Variants in LDLRAD4 observed in about 807,000 individuals in gnomAD.
LDLRAD4 encodes low density lipoprotein receptor class A domain containing 4, also known as low-density lipoprotein receptor class A domain-containing protein 4.
LDLRAD4 carries 5 observed loss-of-function variants against 17.0 expected under a neutral mutation model. That is an observed-to-expected ratio of 0.29 (90% CI 0.15 to 0.62). LDLRAD4 has a LOEUF of 0.62. LDLRAD4 is among the 20% of genes least tolerant of loss of function. The pLI, the probability that LDLRAD4 is intolerant of heterozygous loss-of-function variation, is 0.84. For synonymous variants in LDLRAD4, 168 were observed against 171.8 expected, an observed-to-expected ratio of 0.98 and a Z score of 0.17; for missense variants, 340 against 424.7, an observed-to-expected ratio of 0.80 and a Z score of 1.75.
intron 1 of LDLRAD4, chr18:13,382,468 C>T (rs2085442421): frequency 6.6e-6 from 1 of 152,118 alleles, no homozygotes; most frequent in Non-Finnish European, 1.5e-5. Flanking sequence ...GGGTGTTTTT[C>T]CATTTGACGT....
intron 1 of LDLRAD4, among the ~76,000 whole-genome samples, chr18:13,376,580 G>C (rs147364124): frequency 3.3e-5 from 5 of 152,282 alleles, no homozygotes; most frequent in East Asian, 3.9e-4. Context: ...CTGCGGGTGA[G>C]GGCACAGCTC....
intron 3 of LDLRAD4, chr18:13,462,110 G>A (rs1393521613): frequency 1.3e-5 from 2 of 152,234 alleles, no homozygotes; most frequent in African/African-American, 4.8e-5. Context: ...GCTTCATTCT[G>A]TGAAAGCAGT....
chr18:13,349,324 C>T (rs2082903240), intron 1 of LDLRAD4, among the ~76,000 whole-genome samples: 1 of 152,192 alleles, frequency 6.6e-6, no homozygotes, highest in Non-Finnish European at 1.5e-5. Flanking sequence ...TAGATTATGT[C>T]TTTGTATATT....
At chr18:13,388,767 C>A (rs1030813409) in intron 2 of LDLRAD4, among the ~76,000 whole-genome samples, 1 of 152,218 alleles carries the variant, frequency 6.6e-6, no homozygotes, top group Non-Finnish European at 1.5e-5. Flanking sequence ...GATGGAGCGC[C>A]GCTGTGGTGC....
rs150506069 is a variant in LDLRAD4 at position 13,382,300 on chromosome 18, T to C, written c.-382-5041T>C. On this transcript the variant is annotated intron_variant, in intron 1 of 5. Transcript: ENST00000359446. ...TTTTACAGTGTCTTTTAATGAAAGA[T>C]ATAATACGGACACAGTTCAGTTTGT... is the stretch of plus-strand genomic sequence containing the variant. Among the ~76,000 whole-genome samples the C allele has an allele frequency of 4.7e-3, 720 of 152,314 alleles. 9 individuals are homozygous for C. The highest frequency in any genetic ancestry group is 0.017 in the African/African-American group (690 of 41,544).
chr18:13,480,959 T>C (rs1249139376), intron 3 of LDLRAD4, among the ~76,000 whole-genome samples: 5 of 152,116 alleles, frequency 3.3e-5, no homozygotes, highest in African/African-American at 1.2e-4. Context: ...ACATATAACA[T>C]TGACCTAAGC....
rs1037505453 is a variant in LDLRAD4 at position 13,367,685 on chromosome 18, G to C, written c.-382-19656G>C. ...GGAGTGTGCCGAGAGGGGACAGCCG[G>C]GCACGGGGGCACACGTTGTCAAGGG... On this transcript the variant is annotated intron_variant, in intron 1 of 5. Transcript: ENST00000359446. This position sits in a 1 kb window ranked among gnomAD's most constrained non-coding sequence, Gnocchi z 4.1. Among the ~76,000 whole-genome samples, 1 of 151,908 alleles carries C rather than the reference G, an allele frequency of 6.6e-6. No individual in the cohort carries two copies. The highest frequency in any genetic ancestry group is 2.4e-5 in the African/African-American group (1 of 41,352).
chr18:13,290,122 G>T (rs1307564634), intron 1 of LDLRAD4, among the ~76,000 whole-genome samples: 3 of 152,194 alleles, frequency 2.0e-5, no homozygotes. Context: ...TGGGTAGTTG[G>T]TGCCTCCCCT....
chr18:13,369,678 G>A (rs919534342), intron 1 of LDLRAD4, among the ~76,000 whole-genome samples: 5 of 152,160 alleles, frequency 3.3e-5, no homozygotes, highest in East Asian at 1.9e-4. Flanking sequence ...TTTGAGAGCC[G>A]CCCCTGCACT....
At chr18:13,288,765 G>A (rs1379877879) in intron 1 of LDLRAD4, among the ~76,000 whole-genome samples, 13 of 110,046 alleles carry the variant, frequency 1.2e-4, no homozygotes, top group African/African-American at 4.2e-4. Context: ...CACGGGCCAC[G>A]GTAGCAGCCC....
At chr18:13,473,228 C>T (rs2092826043) in intron 3 of LDLRAD4, among the ~76,000 whole-genome samples, 1 of 152,134 alleles carries the variant, frequency 6.6e-6, no homozygotes, top group South Asian at 2.1e-4. Context: ...TTCTTCTTGC[C>T]CAGGCAAAAA....
chr18:13,319,065 G>T (rs2081081788), intron 1 of LDLRAD4, among the ~76,000 whole-genome samples: 1 of 152,152 alleles, frequency 6.6e-6, no homozygotes, highest in African/African-American at 2.4e-5. Flanking sequence ...CCATTTAGTG[G>T]GTGAGGTCAT....
intron 3 of LDLRAD4, among the ~76,000 whole-genome samples, chr18:13,548,382 A>C (rs1390824089): frequency 2.6e-5 from 4 of 152,174 alleles, no homozygotes; most frequent in African/African-American, 7.2e-5. Flanking sequence ...GTTGGTGCCA[A>C]GGGGTGCCTG....
At chr18:13,395,895 GA>G (rs368300464) in intron 2 of LDLRAD4, among the ~76,000 whole-genome samples, 3 of 152,236 alleles carry the variant, frequency 2.0e-5, no homozygotes, top group African/African-American at 7.2e-5. Flanking sequence ...GCTTTTAGCT[GA>G]ACTTCAGCCC....
intron 3 of LDLRAD4, among the ~76,000 whole-genome samples, chr18:13,537,832 T>G (rs2094221340): frequency 6.6e-6 from 1 of 152,148 alleles, no homozygotes; most frequent in African/African-American, 2.4e-5. Context: ...AAGGGAGATA[T>G]TTAATTATTA....
chr18:13,295,645 A>G (rs2046229905), intron 1 of LDLRAD4, among the ~76,000 whole-genome samples: 1 of 152,268 alleles, frequency 6.6e-6, no homozygotes, highest in South Asian at 2.1e-4. Context: ...TGATGGTGGT[A>G]GTCTGGTGAC....
chr18:13,589,880 C>T (rs1055195904), intron 3 of LDLRAD4, among the ~76,000 whole-genome samples: 1 of 152,178 alleles, frequency 6.6e-6, no homozygotes, highest in Non-Finnish European at 1.5e-5. Context: ...GACGGGGTCT[C>T]TGATCCGGGG....
intron 1 of LDLRAD4, chr18:13,240,026 G>A (rs976215778): frequency 6.6e-6 from 1 of 152,270 alleles, no homozygotes; most frequent in African/African-American, 2.4e-5. Context: ...TTTGGCCAAG[G>A]AAGGGATTTC....
chr18:13,445,364 A>T (rs1242969984), intron 3 of LDLRAD4, among the ~76,000 whole-genome samples: 6 of 151,460 alleles, frequency 4.0e-5, no homozygotes, highest in Non-Finnish European at 8.8e-5. Flanking sequence ...GGTGTCAGAG[A>T]GTGTGTGTGA....
Sources: gnomAD v4.1 joint callset for allele counts (sites outside exome capture counted in the v4.1 genomes callset) on GRCh38, gnomAD v4.1.1 for gene constraint, Gnocchi (gnomAD v3.1) non-coding constraint, MANE v1.5 for transcripts, NCBI Gene and HGNC (gene_info 2026-07-23, HGNC 2026-07-21) for gene names.